ARID1B: variants seen among roughly 807,000 people sequenced by gnomAD.
The protein encoded by ARID1B is AT-rich interaction domain 1B, also known as AT-rich interactive domain-containing protein 1B.
In ARID1B, 30 loss-of-function variants were observed where a neutral mutation model predicts 212.3. The ratio of observed to expected loss-of-function variants is 0.14; its 90% CI spans 0.11 to 0.19. The LOEUF is 0.19. Among genes scored for constraint, ARID1B ranks in the 10% least tolerant of loss-of-function variants. The pLI is 1.00. For synonymous variants in ARID1B, 1,402 were observed against 1,301.7 expected, an observed-to-expected ratio of 1.08 and a Z score of -1.66; for missense variants, 2,891 against 3,204.0, an observed-to-expected ratio of 0.90 and a Z score of 2.36.
intron 3 of ARID1B, among the ~76,000 whole-genome samples, chr6:156,913,550 C>T (rs953469463): frequency 6.6e-6 from 1 of 152,126 alleles, no homozygotes; most frequent in Non-Finnish European, 1.5e-5. Context: ...TTATTAACTA[C>T]AGTCACCATG....
intron 1 of ARID1B, among the ~76,000 whole-genome samples, chr6:156,805,834 A>T (rs1358568045): frequency 6.6e-6 from 1 of 152,060 alleles, no homozygotes; most frequent in African/African-American, 2.4e-5. Context: ...CACTGCCACA[A>T]CCAGCTAATT....
chr6:156,802,810 T>C (rs748096864), intron 1 of ARID1B, among the ~76,000 whole-genome samples: 26 of 152,216 alleles, frequency 1.7e-4, no homozygotes, highest in Non-Finnish European at 3.5e-4. Flanking sequence ...TTTCTAAGTA[T>C]TTTTAGCATC....
chr6:157,072,167 T>C (rs1005402959), intron 4 of ARID1B: 1 of 152,248 alleles, frequency 6.6e-6, no homozygotes, highest in African/African-American at 2.4e-5. Flanking sequence ...GCTATTCATC[T>C]GTTTCCCATC....
chr6:157,017,432 T>C (rs954659396), intron 4 of ARID1B, among the ~76,000 whole-genome samples: 1 of 152,216 alleles, frequency 6.6e-6, no homozygotes, highest in African/African-American at 2.4e-5. Flanking sequence ...GGCTAATAGA[T>C]GACTATTAGA....
intron 6 of ARID1B, among the ~76,000 whole-genome samples, chr6:157,123,485 T>G (rs1787920380): frequency 6.6e-6 from 1 of 152,206 alleles, no homozygotes; most frequent in Admixed American, 6.5e-5. Flanking sequence ...CCCTCAGCTC[T>G]AGCTGGCCTT....
chr6:156,840,636 C>G (rs1562426185), intron 2 of ARID1B, among the ~76,000 whole-genome samples: 1 of 152,216 alleles, frequency 6.6e-6, no homozygotes, highest in Non-Finnish European at 1.5e-5. Flanking sequence ...ATAGTTTTCA[C>G]TAGAATCCCG....
intron 1 of ARID1B, among the ~76,000 whole-genome samples, chr6:156,794,462 G>C (rs907378570): frequency 6.6e-6 from 1 of 151,928 alleles, no homozygotes; most frequent in Non-Finnish European, 1.5e-5. Context: ...TGTTGCCCAG[G>C]CTGGTCTCTT....
At chr6:157,121,102 A>C (rs1274237553) in intron 6 of ARID1B, among the ~76,000 whole-genome samples, 6 of 152,252 alleles carry the variant, frequency 3.9e-5, no homozygotes, top group African/African-American at 1.4e-4. Context: ...TGGAGGCTAA[A>C]CAAGATCCAT....
intron 18 of ARID1B, among the ~76,000 whole-genome samples, chr6:157,202,862 T>G (rs188243545): frequency 6.6e-6 from 1 of 151,070 alleles, no homozygotes; most frequent in Non-Finnish European, 1.5e-5. Context: ...TAGAAATATA[T>G]ACACACACAC....
chr6:157,084,068 A>G (rs1784798938), intron 4 of ARID1B, among the ~76,000 whole-genome samples: 1 of 151,050 alleles, frequency 6.6e-6, no homozygotes, highest in South Asian at 2.1e-4. Flanking sequence ...CAGGATGCAG[A>G]GCTTGCAGTG....
At chr6:157,154,591 T>G (rs951926671) in intron 8 of ARID1B, among the ~76,000 whole-genome samples, 5 of 146,298 alleles carry the variant, frequency 3.4e-5, no homozygotes, top group South Asian at 2.3e-4. Context: ...TTTTTTTTTT[T>G]TTTTTTTGAG....
chr6:156,969,977 C>CT lies in ARID1B; in HGVS notation c.2247+34405dup, dbSNP rs561486356. On this transcript the variant is annotated intron_variant, in intron 4 of 19. Coordinates refer to ENST00000636930, the MANE Select transcript of ARID1B (RefSeq NM_001374828.1). Reference sequence around the variant, plus strand: ...TTCAGACTTGAAAATTAATGTTTACCTTTTCTGTGTCAATTAGTGAACTGT... The same window carrying CT: ...TTCAGACTTGAAAATTAATGTTTACCTTTTTCTGTGTCAATTAGTGAACTGT... Among the ~76,000 whole-genome samples, 42 of 150,218 alleles carry CT rather than the reference C, an allele frequency of 2.8e-4. No individual in the cohort carries two copies. The South Asian group carries it at 8.6e-3, about 31-fold the overall frequency.
intron 4 of ARID1B, among the ~76,000 whole-genome samples, chr6:156,948,144 G>C (rs973027538): frequency 6.6e-6 from 1 of 152,186 alleles, no homozygotes; most frequent in Non-Finnish European, 1.5e-5. Context: ...ATTAAAGTTA[G>C]GGGTATTCTT....
At chr6:156,914,215 T>C (rs1790164595) in intron 3 of ARID1B, among the ~76,000 whole-genome samples, 1 of 151,618 alleles carries the variant, frequency 6.6e-6, no homozygotes, top group South Asian at 2.1e-4. Flanking sequence ...TCCCAGCCCG[T>C]GGTGCCCCCA....
intron 1 of ARID1B, among the ~76,000 whole-genome samples, chr6:156,792,817 C>G (rs1355616316): frequency 2.0e-5 from 3 of 152,174 alleles, no homozygotes; most frequent in African/African-American, 7.2e-5. Flanking sequence ...GTCATAGATA[C>G]CTGGCTCTTT....
intron 1 of ARID1B, among the ~76,000 whole-genome samples, chr6:156,782,449 CAA>C (rs1481951031): frequency 1.3e-5 from 2 of 151,998 alleles, no homozygotes; most frequent in African/African-American, 2.4e-5. Flanking sequence ...GGAGCAGTCT[CAA>C]AAGGAATATT....
At chr6:156,908,349 C>T (rs1431430396) in intron 3 of ARID1B, among the ~76,000 whole-genome samples, 1 of 152,058 alleles carries the variant, frequency 6.6e-6, no homozygotes, top group Non-Finnish European at 1.5e-5. Flanking sequence ...ACATAAAGTT[C>T]GTAATAGCCT....
chr6:156,784,145 G>A (rs1779472132), intron 1 of ARID1B, among the ~76,000 whole-genome samples: 1 of 151,842 alleles, frequency 6.6e-6, no homozygotes, highest in Admixed American at 6.6e-5. Context: ...TTTGGGATTG[G>A]GTGGTTTTGG....
intron 3 of ARID1B, among the ~76,000 whole-genome samples, chr6:156,908,576 C>T (rs1374454341): frequency 6.6e-6 from 1 of 151,850 alleles, no homozygotes; most frequent in Non-Finnish European, 1.5e-5. Flanking sequence ...TTCCCCCCCG[C>T]CCCCACTCAA....
Sources: allele counts gnomAD v4.1 joint callset (sites outside exome capture counted in the v4.1 genomes callset), GRCh38; gene constraint gnomAD v4.1.1; transcripts MANE v1.5; gene names NCBI Gene and HGNC (gene_info 2026-07-23, HGNC 2026-07-21).